TTN: variants seen among roughly 807,000 people sequenced by gnomAD.
The protein encoded by TTN is connectin.
Under a neutral mutation model 3,223.0 loss-of-function variants are expected in TTN, and 1,525 were observed. The observed-to-expected ratio is 0.47, with a 90% CI of 0.45 to 0.49. TTN has a LOEUF of 0.49. Among genes scored for constraint, TTN ranks in the 20% least tolerant of loss-of-function variants. The pLI, the probability that TTN is intolerant of heterozygous loss-of-function variation, is 0.00. For synonymous variants in TTN, 14,094 were observed against 15,161.0 expected, an observed-to-expected ratio of 0.93 and a Z score of 5.17; for missense variants, 40,786 against 43,424.0, an observed-to-expected ratio of 0.94 and a Z score of 5.40.
At chr2:178,782,682 T>A (rs2092885186) in intron 18 of TTN, 80 bp from the exon 19 acceptor site, 2 of 1,604,448 alleles carry the variant, frequency 1.2e-6, no homozygotes, top group Non-Finnish European at 1.7e-6. Context: ...ATTGACCATA[T>A]AATCTCCCCC....
chr2:178,702,566 A>G lies in TTN; in HGVS notation c.30321T>C (p.Ile10107=). 6.2e-7 allele frequency: 1 copy of G among 1,613,960 alleles called. No homozygotes were observed. The highest frequency in any genetic ancestry group is 8.5e-7 in the Non-Finnish European group (1 of 1,179,878). Residue 10107 remains isoleucine (I), a synonymous_variant, in exon 107 of 363, where the codon ATT becomes ATC. Coordinates refer to ENST00000589042, the MANE Select transcript of TTN (RefSeq NM_001267550.2). The part of the protein sequence containing the change: ...FECEVSFDDA[I]VTWYKGPTEL... ...CTGTTGGTCCTTTGTACCATGTTAC[A>G]ATGGCATCATCAAAGGACACTTCAC...
rs1301078575 is a variant in TTN at position 178,631,304 on chromosome 2, C to T, written c.43748-4G>A. 1.9e-6 allele frequency: 3 copies of T among 1,601,664 alleles called. No homozygotes were observed. The highest frequency in any genetic ancestry group is 2.6e-6 in the Non-Finnish European group (3 of 1,176,186). On this transcript the variant is annotated splice_region_variant and splice_polypyrimidine_tract_variant and intron_variant, in intron 236 of 362. Transcript: ENST00000589042. ...CCTGTAAAATATGGGTCTCCCTCTG[C>T]AAGTAAAGTATAAGTGAAAAGCTTT... is the stretch of plus-strand genomic sequence containing the variant.
intron 138 of TTN, 137 bp from the exon 139 acceptor site, chr2:178,680,468 A>C: frequency 1.3e-6 from 1 of 743,776 alleles, no homozygotes; most frequent in East Asian, 2.5e-5. Context: ...CATCTTTAAG[A>C]AACTATATAC....
chr2:178,791,269 T>C (rs1361263781), intron 10 of TTN, among the ~76,000 whole-genome samples: 1 of 152,158 alleles, frequency 6.6e-6, no homozygotes, highest in Non-Finnish European at 1.5e-5. Flanking sequence ...GAGAGGGAAA[T>C]TCAGTCAGCA....
rs1290553839 is a variant in TTN, at chr2:178,551,979, G to A, written c.90921C>T (p.Val30307=). ...TAATGCTTGAGACAAGTGGTTGGCT[G>A]ACTCCGTATCTGTTTTCTGCTCTCA... ...FRVRAENRYG[V]SQPLVSSIIV... The change falls in exon 335 of 363, where the codon GTC becomes GTT. Residue 30307 remains valine (V), a synonymous_variant. Coordinates refer to ENST00000589042, the MANE Select transcript of TTN (RefSeq NM_001267550.2). 8 of 1,611,592 alleles carry A rather than the reference G, an allele frequency of 5.0e-6. No homozygotes were observed. The highest frequency in any genetic ancestry group is 6.8e-6 in the Non-Finnish European group (8 of 1,178,072).
intron 219 of TTN, 38 bp downstream of exon 219, chr2:178,642,199 A>T (rs1010850756): frequency 3.3e-6 from 5 of 1,500,938 alleles, no homozygotes; most frequent in Admixed American, 4.3e-5. Context: ...TTTTTAAAAT[A>T]TACTTAACGC....
Position 178,551,789 on chromosome 2 carries a change from A to G in TTN, c.91111T>C (p.Trp30371Arg). The G allele has an allele frequency of 6.2e-7, 1 of 1,613,820 alleles. No homozygotes were observed. Among genetic ancestry groups the G allele is most frequent in the Non-Finnish European group, 8.5e-7 (1 of 1,179,796 alleles). Residue 30371 changes from tryptophan (W) to arginine (R), a missense_variant, in exon 335 of 363, where the codon TGG becomes CGG. Coordinates refer to ENST00000589042, the MANE Select transcript of TTN (RefSeq NM_001267550.2). ...VEKKERNSIL[W>R]QKVNTSPISG... ...ATTGGTGATGTATTAACTTTTTGCC[A>G]GAGGATGCTATTTCTTTCTTTCTTT...
intron 336 of TTN, 101 bp downstream of exon 336, chr2:178,550,866 G>T: frequency 9.2e-7 from 1 of 1,088,892 alleles, no homozygotes; most frequent in Non-Finnish European, 1.3e-6. Flanking sequence ...GCAACCTTGG[G>T]TAATTTGTTT....
In TTN at chr2:178,588,541, T is replaced by C; in HGVS notation, c.63184A>G (p.Ile21062Val). ...PSRPVVAKDP[I>V]EPPGPPTNFR... ...AGAAAAAACAAGGACATCCTACCTATGGGGTCTTTTGCCACCACCGGTCTT... is the reference window on the plus strand; with the variant it reads ...AGAAAAAACAAGGACATCCTACCTACGGGGTCTTTTGCCACCACCGGTCTT... Residue 21062 changes from isoleucine (I) to valine (V), a missense_variant, in exon 304 of 363, where the codon ATA (isoleucine) becomes GTA (valine). Transcript: ENST00000589042. 6.6e-7 allele frequency: 1 copy of C among 1,524,068 alleles called. No individual in the cohort carries two copies. The highest frequency in any genetic ancestry group is 1.8e-4 in the Middle Eastern group (1 of 5,636). 94.4% of individuals were successfully genotyped at this position (1,524,068 alleles called of 1,614,324 possible). A position where few individuals can be genotyped will look rare whatever the true frequency, so the allele number is the denominator to read the frequency against.
At position 178,572,008 on chromosome 2, in the gene TTN, G is replaced by A. The variant is rs758928659; in HGVS notation, c.74124C>T (p.Ile24708=). 1.1e-5 allele frequency: 17 copies of A among 1,613,132 alleles called. No individual in the cohort carries two copies. Among genetic ancestry groups the A allele is most frequent in the Middle Eastern group, 1.7e-4 (1 of 6,050 alleles). ...SDPRQLSVPV[I]AKDLVIPPAF... ...CTGGTGGAATGACAAGATCTTTGGC[G>A]ATCACTGGCACACTCAGTTGTCTAG... Residue 24708 remains isoleucine (I), a synonymous_variant, in exon 326 of 363, where the codon ATC becomes ATT. Transcript: ENST00000589042.
In TTN at chr2:178,711,281, C is replaced by T; in HGVS notation, c.27955G>A (p.Val9319Ile). 6.2e-7 allele frequency: 1 copy of T among 1,613,522 alleles called. No individual in the cohort carries two copies. The highest frequency in any genetic ancestry group is 1.1e-5 in the South Asian group (1 of 90,950). ...DVQETVGLPV[V>I]FDCAISGSEP... is the part of the protein sequence containing the mutation. ...GATCCACTTATGGCACAATCAAAAA[C>T]AACTGGCAGTCCAACTGTTTCTTGA... The change falls in exon 97 of 363, where the codon GTT (valine) becomes ATT (isoleucine). Residue 9319 changes from valine (V) to isoleucine (I), a missense_variant. Transcript: ENST00000589042.
chr2:178,637,146 GATATATATATATATATATATATATAT>G lies in TTN; in HGVS notation c.40927+197_40927+222del, dbSNP rs61216469. ...GATTCACTATGCTAAAATATAGTTG[GATATATATATATATATATATATATAT>G]ATATATATATATATATATCTCCTTG... On this transcript the variant is annotated intron_variant, in intron 224 of 362. Transcript: ENST00000589042. 1.2e-3 allele frequency among the ~76,000 whole-genome samples: 59 copies of G among 49,196 alleles called. 4 individuals carry two copies. The highest frequency in any genetic ancestry group is 0.04 in the Middle Eastern group (2 of 50). 32.3% of individuals were successfully genotyped at this position (49,196 alleles called of 152,430 possible). A position where few individuals can be genotyped will look rare whatever the true frequency, so the allele number is the denominator to read the frequency against.
chr2:178,657,573 C>A lies in TTN; in HGVS notation c.37963G>T (p.Ala12655Ser). The A allele has an allele frequency of 6.4e-7, 1 of 1,570,848 alleles. No homozygotes were observed. The highest frequency in any genetic ancestry group is 8.6e-7 in the Non-Finnish European group (1 of 1,165,110). The change falls in exon 189 of 363, where the codon GCT becomes TCT. Residue 12655 changes from alanine (A) to serine (S), a missense_variant. Transcript: ENST00000589042. Reference protein sequence around the residue: ...PEVPPVTVPEAPKEVVLEKKV... With the variant: ...PEVPPVTVPESPKEVVLEKKV... Reference sequence around the variant, plus strand: ...TTTTCAAGGACAACTTCTTTGGGAGCCTCTGGCACTTAAAAGATATTAGTA... The same window carrying A: ...TTTTCAAGGACAACTTCTTTGGGAGACTCTGGCACTTAAAAGATATTAGTA...
intron 9 of TTN, 57 bp from the exon 10 acceptor site, chr2:178,792,254 G>A: frequency 6.5e-7 from 1 of 1,530,616 alleles, no homozygotes. Context: ...GAAATAATAT[G>A]GTGTTTATTA....
At position 178,531,963 on chromosome 2, in the gene TTN, T is replaced by G; in HGVS notation, c.104652A>C (p.Pro34884=). The change falls in exon 358 of 363, where the codon CCA becomes CCC. Residue 34884 remains proline, a synonymous_variant. Coordinates refer to ENST00000589042, the MANE Select transcript of TTN (RefSeq NM_001267550.2). ...RRSPTPERTR[P]RSPSPVSSER... is the part of the protein sequence containing the mutation. ...CACTAGACACAGGGCTGGGGGATCG[T>G]GGGCGAGTTCTCTCTGGAGTAGGTG... is the stretch of plus-strand genomic sequence containing the variant. The G allele has an allele frequency of 1.2e-6, 2 of 1,613,698 alleles. No individual in the cohort carries two copies. The highest frequency in any genetic ancestry group is 1.7e-6 in the Non-Finnish European group (2 of 1,179,794).
rs1444605407 is a variant in TTN at position 178,566,037 on chromosome 2, A to G, written c.80095T>C (p.Ser26699Pro). ...NLAVKEVRKDSAFLVWEPPII... is the reference protein window; with the variant it reads ...NLAVKEVRKDPAFLVWEPPII... ...GGTGGCTCCCATACCAGGAAGGCAG[A>G]ATCTTTTCTCACTTCTTTGACTGCC... Residue 26699 changes from serine to proline, a missense_variant, in exon 326 of 363, where the codon TCT (serine) becomes CCT (proline). Transcript: ENST00000589042. The G allele has an allele frequency of 1.2e-6, 2 of 1,613,528 alleles. No individual in the cohort carries two copies. The highest frequency in any genetic ancestry group is 1.7e-5 in the Admixed American group (1 of 59,974).
At position 178,592,671 on chromosome 2, in the gene TTN, G is replaced by A; in HGVS notation, c.59345-11C>T. The A allele has an allele frequency of 1.2e-6, 2 of 1,612,338 alleles. No homozygotes were observed. Among genetic ancestry groups the A allele is most frequent in the Non-Finnish European group, 1.7e-6 (2 of 1,179,208 alleles). ...TCAACTCAGGGGGTTCTAGAATAAA[G>A]AGAACAGAACACTCAGATTTGATCC... is the stretch of plus-strand genomic sequence containing the variant. On this transcript the variant is annotated splice_polypyrimidine_tract_variant and intron_variant, in intron 300 of 362. Coordinates refer to ENST00000589042, the MANE Select transcript of TTN (RefSeq NM_001267550.2).
In TTN at chr2:178,624,541, G is replaced by A. The variant is rs753415688; in HGVS notation, c.44739C>T (p.Asp14913=). 2 of 1,612,754 alleles carry A rather than the reference G, an allele frequency of 1.2e-6. No individual in the cohort carries two copies. The highest frequency in any genetic ancestry group is 8.5e-7 in the Non-Finnish European group (1 of 1,179,196). The change falls in exon 242 of 363, where the codon GAC becomes GAT. Residue 14913 remains aspartate (D), a synonymous_variant. Coordinates refer to ENST00000589042, the MANE Select transcript of TTN (RefSeq NM_001267550.2). The part of the protein sequence containing the change: ...DGRVRKLVIH[D]CTPEDIKTYT... ...ATGTTTTAATATCCTCTGGGGTACA[G>A]TCATGTATAACAAGTTTTCTGACCC...
chr2:178,770,084 A>C lies in TTN; in HGVS notation c.8617T>G (p.Cys2873Gly). 3 of 1,614,146 alleles carry C rather than the reference A, an allele frequency of 1.9e-6. No homozygotes were observed. The highest frequency in any genetic ancestry group is 2.5e-6 in the Non-Finnish European group (3 of 1,180,014). Reference protein sequence around the residue: ...EYTAVVGQLECKAKLFVETLH... With the variant: ...EYTAVVGQLEGKAKLFVETLH... ...CTCTCCACAAACAGTTTTGCTTTGCATTCCAATTGCCCGACCACAGCTGTG... is the reference window on the plus strand; with the variant it reads ...CTCTCCACAAACAGTTTTGCTTTGCCTTCCAATTGCCCGACCACAGCTGTG... The change falls in exon 36 of 363, where the codon TGC (cysteine) becomes GGC (glycine). Residue 2873 changes from cysteine to glycine, a missense_variant. Transcript: ENST00000589042.
Sources: allele counts gnomAD v4.1 joint callset (sites outside exome capture counted in the v4.1 genomes callset), GRCh38; gene constraint gnomAD v4.1.1; transcripts MANE v1.5; gene names NCBI Gene and HGNC (gene_info 2026-07-23, HGNC 2026-07-21).